The following SRGAP1 variants were observed in gnomAD, a reference collection of about 807,000 sequenced individuals.
SRGAP1 encodes the protein SLIT-ROBO Rho GTPase-activating protein 1.
Under a neutral mutation model 121.9 loss-of-function variants are expected in SRGAP1, and 43 were observed. The observed-to-expected ratio is 0.35, with a 90% confidence interval of 0.28 to 0.46. The LOEUF is 0.46. SRGAP1 is among the 20% of genes least tolerant of loss of function. The pLI is 1.00. For synonymous variants in SRGAP1, 447 were observed against 485.4 expected (o/e 0.92, Z 1.04); for missense variants, 1,102 against 1,350.9 (o/e 0.82, Z 2.89).
chr12:63,990,082 A>C lies in SRGAP1; in HGVS notation c.426+10A>C, dbSNP rs770841629. 1.3e-6 allele frequency: 2 copies of C among 1,589,908 alleles called. No homozygotes were observed. Among genetic ancestry groups the C allele is most frequent in the Admixed American group, 3.5e-5 (2 of 56,458 alleles). On this transcript the variant is annotated intron_variant, in intron 3 of 21. Coordinates refer to ENST00000355086, the MANE Select transcript of SRGAP1 (RefSeq NM_020762.4). ...CAGGATGTTTAAAAAGGTACACTCC[A>C]TAAATCCTGCCATAGTGTGCTTTCC...
chr12:63,934,409 G>T (rs61933135), intron 1 of SRGAP1, among the ~76,000 whole-genome samples: 3,434 of 152,076 alleles, frequency 0.023, 114 homozygotes, highest in African/African-American at 0.078. Flanking sequence ...CCACCTATCC[G>T]AAGAAACCCT....
In SRGAP1 at chr12:63,956,368, G is replaced by A. The variant is rs572744868; in HGVS notation, c.68-27579G>A. On this transcript the variant is annotated intron_variant, in intron 1 of 21. Coordinates refer to ENST00000355086, the MANE Select transcript of SRGAP1 (RefSeq NM_020762.4). ...GCATGAACCCCTGCACCCAGCCTAA[G>A]TGTCATTAAAAATTTGATCTGTTAT... Among the ~76,000 whole-genome samples, 9 of 152,172 alleles carry A rather than the reference G, an allele frequency of 5.9e-5. No individual in the cohort carries two copies. In the South Asian group the frequency reaches 1.7e-3, roughly 28 times the overall value.
chr12:64,095,080 G>T, intron 13 of SRGAP1, 47 bp from the exon 14 acceptor site: 1 of 1,609,504 alleles, frequency 6.2e-7, no homozygotes, highest in South Asian at 1.1e-5. Flanking sequence ...GAGGGACCTA[G>T]ACAATGTGAT....
chr12:64,023,425 C>T lies in SRGAP1; in HGVS notation c.489+6413C>T, dbSNP rs144414764. Reference sequence around the variant, plus strand: ...GGTTTAAAGTGTTAAGCCCGTCCCACTACCAAAATCTCAAAAGGTTATGTA... The same window carrying T: ...GGTTTAAAGTGTTAAGCCCGTCCCATTACCAAAATCTCAAAAGGTTATGTA... On this transcript the variant is annotated intron_variant, in intron 4 of 21. Coordinates refer to ENST00000355086, the MANE Select transcript of SRGAP1 (RefSeq NM_020762.4). Among the ~76,000 whole-genome samples the T allele has an allele frequency of 7.9e-5, 12 of 152,248 alleles. No homozygotes were observed. In the East Asian group the frequency reaches 2.1e-3, roughly 27 times the overall value.
At chr12:64,009,953 A>G (rs1008905957) in intron 3 of SRGAP1, among the ~76,000 whole-genome samples, 2 of 152,190 alleles carry the variant, frequency 1.3e-5, no homozygotes, top group African/African-American at 2.4e-5. Context: ...AACTTTCTCC[A>G]TTAGGCATTT....
At chr12:63,863,276 C>CTTTTTTTTTT (rs72296845) in intron 1 of SRGAP1, among the ~76,000 whole-genome samples, 2 of 138,190 alleles carry the variant, frequency 1.4e-5, no homozygotes, top group African/African-American at 2.6e-5. Flanking sequence ...CTTTTTTTTT[C>CTTTTTTTTTT]TTTTTTTTTT....
chr12:63,852,887 C>G (rs1565920913), intron 1 of SRGAP1, among the ~76,000 whole-genome samples: 1 of 151,880 alleles, frequency 6.6e-6, no homozygotes, highest in Non-Finnish European at 1.5e-5. Flanking sequence ...CTCCCACACG[C>G]TTTAGTACAG....
Position 64,160,941 on chromosome 12 carries a change from G to C in SRGAP1, c.*18269G>C, listed in dbSNP as rs991535700. The C allele has an allele frequency of 2.0e-5, 3 of 152,102 alleles. No homozygotes were observed. The highest frequency in any genetic ancestry group is 6.5e-5 in the Admixed American group (1 of 15,268). 9.4% of individuals were successfully genotyped at this position (152,102 alleles called of 1,614,324 possible). On this transcript the variant is annotated 3_prime_UTR_variant, in exon 22 of 22. Coordinates refer to ENST00000355086, the MANE Select transcript of SRGAP1 (RefSeq NM_020762.4). The stretch of plus-strand genomic sequence containing the variant: ...AACATTCCAAAGCCATTCTAATTCT[G>C]TTACTTTGTATGTTCTTTTTTTTCC...
At chr12:63,952,804 A>AT (rs1299841244) in intron 1 of SRGAP1, among the ~76,000 whole-genome samples, 2 of 151,980 alleles carry the variant, frequency 1.3e-5, no homozygotes, top group Non-Finnish European at 2.9e-5. Flanking sequence ...AACACTTTTA[A>AT]TTTTTTTATT....
intron 1 of SRGAP1, among the ~76,000 whole-genome samples, chr12:63,919,527 TACAC>T (rs945499841): frequency 4.1e-5 from 6 of 146,378 alleles, no homozygotes; most frequent in East Asian, 2.0e-4. Context: ...TATATACACA[TACAC>T]ACACACACAA....
intron 18 of SRGAP1, among the ~76,000 whole-genome samples, chr12:64,117,002 T>C (rs1367652214): frequency 1.3e-5 from 2 of 152,100 alleles, no homozygotes; most frequent in African/African-American, 4.8e-5. Flanking sequence ...TCTGGGGCAT[T>C]AGGGGATGTC....
intron 4 of SRGAP1, among the ~76,000 whole-genome samples, chr12:64,036,752 T>C (rs1301632221): frequency 6.6e-6 from 1 of 152,208 alleles, no homozygotes; most frequent in Non-Finnish European, 1.5e-5. Context: ...CAATGCCAGA[T>C]GCATTGTAGA....
chr12:64,107,969 A>G (rs2036372229), intron 15 of SRGAP1, among the ~76,000 whole-genome samples: 1 of 152,176 alleles, frequency 6.6e-6, no homozygotes, highest in Non-Finnish European at 1.5e-5. Flanking sequence ...AACAGGACAC[A>G]TAGGTTGCAG....
At chr12:63,976,558 T>G (rs2033101836) in intron 1 of SRGAP1, among the ~76,000 whole-genome samples, 1 of 152,226 alleles carries the variant, frequency 6.6e-6, no homozygotes, top group African/African-American at 2.4e-5. Context: ...CTATTATTTA[T>G]GTCCACGAAT....
At chr12:64,141,237 C>T (rs1281755876) in intron 21 of SRGAP1, among the ~76,000 whole-genome samples, 1 of 134,380 alleles carries the variant, frequency 7.4e-6, no homozygotes, top group Non-Finnish European at 1.6e-5. Context: ...CTAACCTGCA[C>T]AATGTGCACA....
chr12:64,026,726 C>G (rs2034660342), intron 4 of SRGAP1, among the ~76,000 whole-genome samples: 1 of 151,458 alleles, frequency 6.6e-6, no homozygotes, highest in African/African-American at 2.4e-5. Flanking sequence ...ATTAGCCACG[C>G]ATGGTGATGC....
rs1565701100 is a variant in SRGAP1 at position 64,144,255 on chromosome 12, G to GTT, written c.*1583_*1584insTT. The GTT allele has an allele frequency of 5.8e-5, 5 of 86,566 alleles. No homozygotes were observed. Among genetic ancestry groups the GTT allele is most frequent in the African/African-American group, 2.3e-4 (5 of 21,462 alleles). 5.4% of individuals were successfully genotyped at this position (86,566 alleles called of 1,614,324 possible). A position where few individuals can be genotyped will look rare whatever the true frequency, so the allele number is the denominator to read the frequency against. On this transcript the variant is annotated 3_prime_UTR_variant, in exon 22 of 22. Coordinates refer to ENST00000355086, the MANE Select transcript of SRGAP1 (RefSeq NM_020762.4). ...ATTTTTGTTGTTGTTGTTGTTGTTG[G>GTT]GAGAAATGGATTTCCCACAACTAAT...
intron 1 of SRGAP1, among the ~76,000 whole-genome samples, chr12:63,880,250 G>C (rs1459413620): frequency 4.6e-5 from 7 of 151,686 alleles, no homozygotes; most frequent in Admixed American, 4.6e-4. Flanking sequence ...TTCTTTTTTT[G>C]AGACAGAGTC....
At chr12:64,085,670 CTCCCAT>C (rs1386204005) in intron 10 of SRGAP1, among the ~76,000 whole-genome samples, 1 of 152,222 alleles carries the variant, frequency 6.6e-6, no homozygotes, top group Non-Finnish European at 1.5e-5. Flanking sequence ...TAGACCTTCA[CTCCCAT>C]TCATGAATAG....
Sources: gnomAD v4.1 joint callset for allele counts (sites outside exome capture counted in the v4.1 genomes callset) on GRCh38, gnomAD v4.1.1 for gene constraint, MANE v1.5 for transcripts, NCBI Gene and HGNC (gene_info 2026-07-23, HGNC 2026-07-21) for gene names.